SLC11A2: variants seen among roughly 807,000 people sequenced by gnomAD.
SLC11A2 encodes natural resistance-associated macrophage protein 2.
SLC11A2 carries 38 observed loss-of-function variants against 68.0 expected under a neutral mutation model. The ratio of observed to expected loss-of-function variants is 0.56; its 90% CI spans 0.43 to 0.73. The LOEUF (loss-of-function observed/expected upper bound fraction) is 0.73, where lower values mean the gene tolerates loss of function less well. Ranked by LOEUF, SLC11A2 falls within the 30% of genes least tolerant of loss-of-function variation. The pLI is 0.00. For missense variants in SLC11A2, 517 were observed against 690.5 expected (o/e 0.75, Z 2.82); for synonymous variants, 242 against 250.6 (o/e 0.97, Z 0.32).
intron 10 of SLC11A2, among the ~76,000 whole-genome samples, chr12:50,995,399 T>C (rs1941609138): frequency 6.6e-6 from 1 of 152,218 alleles, no homozygotes; most frequent in Non-Finnish European, 1.5e-5. Flanking sequence ...AGTTTCTGTT[T>C]TCTGTTTGTT....
At chr12:51,012,093 C>T (rs1943278820) in intron 1 of SLC11A2, among the ~76,000 whole-genome samples, 1 of 152,106 alleles carries the variant, frequency 6.6e-6, no homozygotes, top group African/African-American at 2.4e-5. Context: ...AACTAGTCAC[C>T]CGTGGCCCAG....
At chr12:50,993,189 A>G in intron 11 of SLC11A2, 1 of 194,694 alleles carries the variant, frequency 5.1e-6, no homozygotes, top group Non-Finnish European at 8.9e-6. Flanking sequence ...CATCTTAAAT[A>G]TTAAAAAAAA....
downstream of SLC11A2, among the ~76,000 whole-genome samples, chr12:50,983,644 C>A (rs1185654981): frequency 3.9e-5 from 6 of 152,042 alleles, no homozygotes; most frequent in African/African-American, 1.4e-4. Context: ...TCGAGAGCAG[C>A]CTGACCAACA....
Position 50,994,456 on chromosome 12 carries a change from A to T in SLC11A2, c.1077+88T>A, listed in dbSNP as rs932123426. 7 of 830,192 alleles carry T rather than the reference A, an allele frequency of 8.4e-6. No individual in the cohort carries two copies. In the African/African-American group the frequency reaches 1.2e-4, roughly 14 times the overall value. 51.4% of individuals were successfully genotyped at this position (830,192 alleles called of 1,614,324 possible). A position where few individuals can be genotyped will look rare whatever the true frequency, so the allele number is the denominator to read the frequency against. On this transcript the variant is annotated intron_variant, in intron 11 of 15. Coordinates refer to ENST00000262052, the MANE Select transcript of SLC11A2 (RefSeq NM_000617.3). ...ATGACACTCCAGAGGAGATATGCTC[A>T]TATCTGAAGTGAAGTCACAAAAAAG...
intron 6 of SLC11A2, 40 bp from the exon 7 acceptor site, chr12:50,999,455 A>C: frequency 6.7e-7 from 1 of 1,503,542 alleles, no homozygotes; most frequent in Non-Finnish European, 9.3e-7. Flanking sequence ...AGAGACGGAA[A>C]GAAAGGAAAC....
Position 51,026,294 on chromosome 12 carries a change from C to T in SLC11A2, c.-39+16G>A. ...CGAGCGGAATGCCGTGACCCCTGAC[C>T]TTGCCTTCCCCTCACCTTACCAGCT... is the stretch of plus-strand genomic sequence containing the variant. On this transcript the variant is annotated intron_variant, in intron 1 of 15. Coordinates refer to ENST00000262052, the MANE Select transcript of SLC11A2 (RefSeq NM_000617.3). 2 of 1,250,698 alleles carry T rather than the reference C, an allele frequency of 1.6e-6. No individual in the cohort carries two copies. The highest frequency in any genetic ancestry group is 1.3e-5 in the South Asian group (1 of 79,698). 77.5% of individuals were successfully genotyped at this position (1,250,698 alleles called of 1,614,324 possible).
the SLC11A2 span, among the ~76,000 whole-genome samples, chr12:50,969,520 C>T: frequency 4.6e-5 from 7 of 151,760 alleles, no homozygotes; most frequent in East Asian, 1.9e-4. Context: ...GCCAACATGG[C>T]GAAACGCTGT....
rs1170485999 is a variant in SLC11A2 at position 50,987,649 on chromosome 12, A to G, written c.*676T>C. 7.8e-7 allele frequency: 1 copy of G among 1,287,242 alleles called. No homozygotes were observed. The highest frequency in any genetic ancestry group is 1.0e-6 in the Non-Finnish European group (1 of 988,704). 79.7% of individuals were successfully genotyped at this position (1,287,242 alleles called of 1,614,324 possible). A position where few individuals can be genotyped will look rare whatever the true frequency, so the allele number is the denominator to read the frequency against. On this transcript the variant is annotated 3_prime_UTR_variant, in exon 16 of 16. Coordinates refer to ENST00000262052, the MANE Select transcript of SLC11A2 (RefSeq NM_000617.3). ...ATCTGAGGAAAATCCTGAGAAGGTA[A>G]TTAGTAAGCACCACCTAGCGATGTG...
At chr12:51,027,042 G>A (rs1944422013), upstream of SLC11A2, among the ~76,000 whole-genome samples, 1 of 152,176 alleles carries the variant, frequency 6.6e-6, no homozygotes, top group South Asian at 2.1e-4. Context: ...CGGGCGTGGT[G>A]GCGCATGCCT....
chr12:50,955,565 A>G, the SLC11A2 span, among the ~76,000 whole-genome samples: 1 of 152,194 alleles, frequency 6.6e-6, no homozygotes, highest in Non-Finnish European at 1.5e-5. Context: ...ATTCCATAAA[A>G]ACTTCTAAAT....
intron 5 of SLC11A2, among the ~76,000 whole-genome samples, chr12:51,003,704 G>C (rs1942474376): frequency 6.7e-6 from 1 of 149,470 alleles, no homozygotes; most frequent in East Asian, 2.0e-4. Context: ...GTGGTGGGAG[G>C]ACTGCCTGAG....
downstream of SLC11A2, chr12:50,979,962 A>C (rs982118313): frequency 4.0e-5 from 18 of 454,000 alleles, no homozygotes; most frequent in African/African-American, 3.6e-4. Flanking sequence ...GCAGTGGCTC[A>C]CGCCTATAAT....
downstream of SLC11A2, among the ~76,000 whole-genome samples, chr12:50,985,575 T>C (rs1940459887): frequency 6.6e-6 from 1 of 152,226 alleles, no homozygotes; most frequent in South Asian, 2.1e-4. Flanking sequence ...CCTTGGTCTT[T>C]AAGCTAAATG....
At chr12:50,958,333 G>A in the SLC11A2 span, among the ~76,000 whole-genome samples, 1 of 148,006 alleles carries the variant, frequency 6.8e-6, no homozygotes, top group African/African-American at 2.5e-5. Flanking sequence ...CCAGGCTGGA[G>A]TGCAGTGGCA....
intron 1 of SLC11A2, among the ~76,000 whole-genome samples, chr12:51,021,585 C>T (rs1944046228): frequency 6.6e-6 from 1 of 151,750 alleles, no homozygotes; most frequent in Non-Finnish European, 1.5e-5. Flanking sequence ...TGAGATCACA[C>T]CACTGCTCTC....
intron 1 of SLC11A2, among the ~76,000 whole-genome samples, chr12:51,022,411 T>TAA (rs1252372042): frequency 1.3e-5 from 1 of 75,632 alleles, no homozygotes; most frequent in Non-Finnish European, 2.6e-5. Flanking sequence ...CAGTCTCCAT[T>TAA]AAAAAAAAAA....
At chr12:51,002,680 G>A (rs889451253) in intron 5 of SLC11A2, among the ~76,000 whole-genome samples, 18 of 145,608 alleles carry the variant, frequency 1.2e-4, no homozygotes, top group South Asian at 4.5e-4. Context: ...AGTAGCTCAC[G>A]CCTGTAATCC....
At chr12:50,976,876 G>A (rs576024082), downstream of SLC11A2, among the ~76,000 whole-genome samples, 25 of 152,254 alleles carry the variant, frequency 1.6e-4, no homozygotes, top group African/African-American at 5.8e-4. Context: ...GCCAAATCAT[G>A]AGTGAAATCC....
chr12:50,968,113 G>GGAGGAGGAGGAGAAT, the SLC11A2 span, among the ~76,000 whole-genome samples: 1 of 151,920 alleles, frequency 6.6e-6, no homozygotes, highest in Non-Finnish European at 1.5e-5. Context: ...AGGAGGAGGA[G>GGAGGAGGAGGAGAAT]GAGGAGGAGG....
Sources: gnomAD v4.1 joint callset for allele counts (sites outside exome capture counted in the v4.1 genomes callset) on GRCh38, gnomAD v4.1.1 for gene constraint, MANE v1.5 for transcripts, NCBI Gene and HGNC (gene_info 2026-07-23, HGNC 2026-07-21) for gene names.